KIF26B: variants seen among roughly 807,000 people sequenced by gnomAD.
KIF26B encodes kinesin family member 26B, also known as kinesin-like protein KIF26B.
Under a neutral mutation model 151.2 loss-of-function variants are expected in KIF26B, and 63 were observed. The ratio of observed to expected loss-of-function variants is 0.42; its 90% CI spans 0.34 to 0.51. The LOEUF (loss-of-function observed/expected upper bound fraction) is 0.51. Ranked by LOEUF, KIF26B falls within the 20% of genes least tolerant of loss-of-function variation. The pLI is 0.07. For missense variants in KIF26B, 2,813 were observed against 2,913.6 expected, an observed-to-expected ratio of 0.97 and a Z score of 0.79; for synonymous variants, 1,357 against 1,262.1, an observed-to-expected ratio of 1.08 and a Z score of -1.59.
chr1:245,400,919 A>T (rs902100172), intron 3 of KIF26B, among the ~76,000 whole-genome samples: 1 of 152,148 alleles, frequency 6.6e-6, no homozygotes, highest in East Asian at 1.9e-4. Context: ...ACCAAAAAAA[A>T]CCCAACTCAT....
intron 10 of KIF26B, among the ~76,000 whole-genome samples, chr1:245,678,229 C>T (rs11585842): frequency 0.02 from 3,065 of 151,976 alleles, 40 homozygotes; most frequent in Non-Finnish European, 0.033. Context: ...ACTCTGCAGC[C>T]GCCTCTTGGT....
chr1:245,485,598 G>T (rs1029215967), intron 4 of KIF26B, among the ~76,000 whole-genome samples: 1 of 152,118 alleles, frequency 6.6e-6, no homozygotes, highest in African/African-American at 2.4e-5. Context: ...TGGCCAGGCT[G>T]GTCTCAGACT....
rs919439923 is a variant in KIF26B at position 245,358,306 on chromosome 1, G to T, written c.466-8528G>T. Among the ~76,000 whole-genome samples, 17 of 152,134 alleles carry T rather than the reference G, an allele frequency of 1.1e-4. No individual in the cohort carries two copies. On this transcript the variant is annotated intron_variant, in intron 2 of 14. Coordinates refer to ENST00000407071, the MANE Select transcript of KIF26B (RefSeq NM_018012.4). This position sits in a 1 kb window ranked among gnomAD's most constrained non-coding sequence, Gnocchi z 4.1. Reference sequence around the variant, plus strand: ...AACACAGCCAAGGGCGGATCATGAGGTCAGGAAATCGAGACCATCCTGGCT... The same window carrying T: ...AACACAGCCAAGGGCGGATCATGAGTTCAGGAAATCGAGACCATCCTGGCT...
chr1:245,168,859 C>T (rs1009165612), intron 2 of KIF26B, among the ~76,000 whole-genome samples: 18 of 152,290 alleles, frequency 1.2e-4, no homozygotes, highest in Middle Eastern at 3.4e-3. Flanking sequence ...GCTGAGTCAA[C>T]GAGGCCCATG....
At chr1:245,464,564 GGTGTGTGGGTGTGTGTGCAC>G (rs1478709395) in intron 4 of KIF26B, among the ~76,000 whole-genome samples, 1 of 143,902 alleles carries the variant, frequency 6.9e-6, no homozygotes, top group Non-Finnish European at 1.5e-5. Flanking sequence ...TTCCTGTGTG[GGTGTGTGGGTGTGTGTGCAC>G]GTGTGTGGGT....
intron 2 of KIF26B, among the ~76,000 whole-genome samples, chr1:245,224,039 C>A (rs542072284): frequency 6.6e-6 from 1 of 152,264 alleles, no homozygotes; most frequent in Admixed American, 6.5e-5. Context: ...AATCCCAGCA[C>A]TTTGGGAGGC....
chr1:245,687,470 A>T lies in KIF26B; in HGVS notation c.4487A>T (p.Glu1496Val), dbSNP rs745507143. ...GACAGGCTCAGCAGCAGCAGCGGAG[A>T]GGTGTCGGCCTCCCCGGTCACTGAC... is the stretch of plus-strand genomic sequence containing the variant. ...PGDRLSSSSG[E>V]VSASPVTDNF... Residue 1496 changes from glutamate to valine, a missense_variant, in exon 12 of 15, where the codon GAG (glutamate) becomes GTG (valine). By Grantham distance (121) the Glu-to-Val change is moderately radical. Around this residue, in one of 3 missense-constraint regions of KIF26B, gnomAD observed 2,060 missense variants for 2,088.6 expected, o/e 0.99. Coordinates refer to ENST00000407071, the MANE Select transcript of KIF26B (RefSeq NM_018012.4). This position sits in a 1 kb window ranked among gnomAD's most constrained non-coding sequence, Gnocchi z 4.9. The T allele has an allele frequency of 1.1e-5, 17 of 1,586,334 alleles. No individual in the cohort carries two copies. The African/African-American group carries it at 1.7e-4, about 16-fold the overall frequency.
In KIF26B at chr1:245,606,910, C is replaced by CA. The variant is rs1246588146; in HGVS notation, c.1558-735dup. Among the ~76,000 whole-genome samples the CA allele has an allele frequency of 1.3e-5, 2 of 151,308 alleles. No individual in the cohort carries two copies. Among genetic ancestry groups the CA allele is most frequent in the African/African-American group, 2.4e-5 (1 of 41,164 alleles). ...AAACCCCCTCTCTACTAAAAAAATG[C>CA]AAAAAATTAGCCAGGCATGGTGGCA... is the stretch of plus-strand genomic sequence containing the variant. On this transcript the variant is annotated intron_variant, in intron 6 of 14. Transcript: ENST00000407071. This position sits in a 1 kb window ranked among gnomAD's most constrained non-coding sequence, Gnocchi z 4.6.
intron 9 of KIF26B, among the ~76,000 whole-genome samples, chr1:245,614,381 G>A (rs941828452): frequency 2.6e-5 from 4 of 152,118 alleles, no homozygotes; most frequent in African/African-American, 4.8e-5. Context: ...CACCATATTG[G>A]CCAGGATGGT....
intron 2 of KIF26B, among the ~76,000 whole-genome samples, chr1:245,220,828 G>A (rs762233538): frequency 5.3e-5 from 8 of 152,126 alleles, no homozygotes; most frequent in Non-Finnish European, 1.0e-4. Context: ...TTTTGGGGAG[G>A]GAAGACCACA....
At chr1:245,556,249 TTCCTCCTTCC>T (rs1233349535) in intron 5 of KIF26B, among the ~76,000 whole-genome samples, 250 of 136,028 alleles carry the variant, frequency 1.8e-3, no homozygotes, top group Non-Finnish European at 3.7e-3. Flanking sequence ...TTCCTCCTTC[TTCCTCCTTCC>T]TCCCTCCTCC....
chr1:245,331,050 G>T (rs1672099232), intron 2 of KIF26B, among the ~76,000 whole-genome samples: 1 of 152,018 alleles, frequency 6.6e-6, no homozygotes, highest in Non-Finnish European at 1.5e-5. Flanking sequence ...CTGAGACGCT[G>T]ATGTCCAGGA....
At chr1:245,248,801 T>G (rs1302694322) in intron 2 of KIF26B, among the ~76,000 whole-genome samples, 2 of 152,224 alleles carry the variant, frequency 1.3e-5, no homozygotes, top group Non-Finnish European at 2.9e-5. Context: ...CCTATGGAAA[T>G]AGCCAGAAAA....
intron 2 of KIF26B, among the ~76,000 whole-genome samples, chr1:245,311,518 G>A (rs1046926669): frequency 2.0e-5 from 3 of 152,080 alleles, no homozygotes; most frequent in African/African-American, 7.2e-5. Flanking sequence ...CAGGAGGATT[G>A]CTTGAGCCAG....
At position 245,688,308 on chromosome 1, in the gene KIF26B, C is replaced by CT; in HGVS notation, c.5325_5326insT (p.Gly1776TrpfsTer213). On this transcript the variant is annotated frameshift_variant, in exon 12 of 15. Coordinates refer to ENST00000407071, the MANE Select transcript of KIF26B (RefSeq NM_018012.4). LOFTEE classifies it high-confidence loss of function. ...TGGGCCAGGGCTCCAGCTCGCCCCCCGGTGGGAAGCACACGCCCTGGTCCA... is the reference window on the plus strand; with the variant it reads ...TGGGCCAGGGCTCCAGCTCGCCCCCCTGGTGGGAAGCACACGCCCTGGTCCA... 3.8e-6 allele frequency: 6 copies of CT among 1,595,382 alleles called. No individual in the cohort carries two copies. The highest frequency in any genetic ancestry group is 5.1e-6 in the Non-Finnish European group (6 of 1,178,048).
intron 9 of KIF26B, among the ~76,000 whole-genome samples, chr1:245,632,782 C>A (rs2043794659): frequency 1.3e-5 from 2 of 152,138 alleles, no homozygotes; most frequent in South Asian, 4.1e-4. Context: ...GTGGCATGCA[C>A]CTGTAGTGCC....
At chr1:245,674,960 G>GGGA (rs2044340469) in intron 10 of KIF26B, among the ~76,000 whole-genome samples, 2 of 152,174 alleles carry the variant, frequency 1.3e-5, no homozygotes, top group South Asian at 4.1e-4. Context: ...TGTCACGTGT[G>GGGA]ACAACTGCAT....
chr1:245,184,518 T>C (rs1668968292), intron 2 of KIF26B, among the ~76,000 whole-genome samples: 2 of 152,188 alleles, frequency 1.3e-5, no homozygotes, highest in African/African-American at 4.8e-5. Flanking sequence ...CTTTTAATGT[T>C]CTTTCATCTG....
rs1452600544 is a variant in KIF26B, at chr1:245,686,971, A to G, written c.3988A>G (p.Arg1330Gly). The G allele has an allele frequency of 1.2e-6, 2 of 1,613,480 alleles. No individual in the cohort carries two copies. Residue 1330 changes from arginine to glycine, a missense_variant, in exon 12 of 15, where the codon AGA becomes GGA. This residue lies in a region of KIF26B where 2,060 missense variants were observed against 2,088.6 expected (regional missense o/e 0.99). Transcript: ENST00000407071. This position sits in a 1 kb window ranked among gnomAD's most constrained non-coding sequence, Gnocchi z 5.6. The stretch of plus-strand genomic sequence containing the variant: ...CCTCCAGAACACCGCTGTGGTGTGC[A>G]GAGAGAAGCCCAAGGCCAGCCCCGA... ...SSLQNTAVVCREKPKASPDNL... is the reference protein window; with the variant it reads ...SSLQNTAVVCGEKPKASPDNL...
Sources: allele counts gnomAD v4.1 joint callset (sites outside exome capture counted in the v4.1 genomes callset), GRCh38; gene constraint gnomAD v4.1.1; regional missense constraint gnomAD v4.1.1; non-coding constraint Gnocchi (gnomAD v3.1); transcripts MANE v1.5; gene names NCBI Gene and HGNC (gene_info 2026-07-23, HGNC 2026-07-21).